The following DIAPH2 variants were observed in gnomAD, a reference collection of about 807,000 sequenced individuals.
DIAPH2 encodes diaphanous related formin 2.
Under a neutral mutation model 92.7 loss-of-function variants are expected in DIAPH2, and 35 were observed. The observed-to-expected ratio is 0.38, with a 90% CI of 0.29 to 0.50. DIAPH2 has a LOEUF of 0.50. Ranked by LOEUF, DIAPH2 falls within the 20% of genes least tolerant of loss-of-function variation. The pLI, the probability that DIAPH2 is intolerant of heterozygous loss-of-function variation, is 0.94. For synonymous variants in DIAPH2, 301 were observed against 280.4 expected (o/e 1.07, Z -0.73); for missense variants, 701 against 819.5 (o/e 0.86, Z 1.77).
At chrX:97,547,997 G>T (rs1682251497) in intron 26 of DIAPH2, among the ~76,000 whole-genome samples, 2 of 111,962 alleles carry the variant, frequency 1.8e-5, no homozygotes, top group South Asian at 7.5e-4. Flanking sequence ...GGACTAAGTT[G>T]TAATGAGTTC....
intron 22 of DIAPH2, among the ~76,000 whole-genome samples, chrX:97,166,381 T>G (rs1404626938): frequency 8.9e-6 from 1 of 112,003 alleles, no homozygotes; most frequent in African/African-American, 3.2e-5. Flanking sequence ...TTGATACCAT[T>G]CTGATGCATT....
chrX:97,519,166 C>T (rs1249489255), intron 26 of DIAPH2, among the ~76,000 whole-genome samples: 2 of 111,753 alleles, frequency 1.8e-5, no homozygotes, highest in Non-Finnish European at 3.8e-5. Context: ...GACCAGGTTG[C>T]TTCGTTTTTG....
Position 96,916,503 on chromosome X carries a change from C to A in DIAPH2, c.798C>A (p.Pro266=), listed in dbSNP as rs1292387147. 8.3e-7 allele frequency: 1 copy of A among 1,203,534 alleles called. No homozygotes were observed. Among genetic ancestry groups the A allele is most frequent in the Non-Finnish European group, 1.1e-6 (1 of 891,899 alleles). ...TACTATTGGCAAGAGCAATTGACCC[C>A]AAACAACCCAACATGATGACTGAAA... ...SLLLLARAID[P]KQPNMMTEIV... Residue 266 remains proline, a synonymous_variant, in exon 8 of 27, where the codon CCC becomes CCA. Transcript: ENST00000324765.
chrX:97,501,360 T>C (rs2070796769), intron 26 of DIAPH2, among the ~76,000 whole-genome samples: 4 of 111,692 alleles, frequency 3.6e-5, no homozygotes, highest in Admixed American at 2.9e-4. Context: ...AATTTTAGAG[T>C]TTCTAGAGAC....
intron 22 of DIAPH2, among the ~76,000 whole-genome samples, chrX:97,185,416 T>C (rs1193466309): frequency 1.7e-5 from 1 of 57,518 alleles, no homozygotes; most frequent in African/African-American, 8.8e-5. Flanking sequence ...TATATGTATA[T>C]ATATATGTAT....
chrX:97,280,915 A>G (rs987938179), intron 23 of DIAPH2, among the ~76,000 whole-genome samples: 4 of 112,109 alleles, frequency 3.6e-5, no homozygotes, highest in African/African-American at 9.7e-5. Context: ...ATCTTTTTGT[A>G]TAGCTTTTAG....
chrX:96,899,654 A>G (rs1022800746), intron 5 of DIAPH2, among the ~76,000 whole-genome samples: 1 of 111,411 alleles, frequency 9.0e-6, no homozygotes, highest in Non-Finnish European at 1.9e-5. Context: ...TTCTAGATGT[A>G]CAATCATGTC....
intron 19 of DIAPH2, among the ~76,000 whole-genome samples, chrX:97,085,066 C>T (rs1217906282): frequency 9.0e-6 from 1 of 111,096 alleles, no homozygotes; most frequent in Non-Finnish European, 1.9e-5. Flanking sequence ...GGCAAGTGAT[C>T]TGAAAATGTT....
chrX:97,086,615 A>T (rs2066784833), intron 19 of DIAPH2, among the ~76,000 whole-genome samples: 1 of 111,960 alleles, frequency 8.9e-6, no homozygotes, highest in African/African-American at 3.3e-5. Flanking sequence ...CAGTGTATAC[A>T]TATATCAAAA....
intron 25 of DIAPH2, among the ~76,000 whole-genome samples, chrX:97,400,139 A>G (rs1021013938): frequency 7.1e-5 from 8 of 112,370 alleles, no homozygotes; most frequent in African/African-American, 2.6e-4. Context: ...CTTCACCTCA[A>G]TATCTTCAAA....
At chrX:97,313,157 C>T (rs2068811531) in intron 23 of DIAPH2, among the ~76,000 whole-genome samples, 1 of 110,679 alleles carries the variant, frequency 9.0e-6, no homozygotes, top group African/African-American at 3.3e-5. Flanking sequence ...TGCACTCCAG[C>T]CTGGGAGACA....
At chrX:97,352,994 G>A (rs1255034104) in intron 24 of DIAPH2, among the ~76,000 whole-genome samples, 4 of 109,235 alleles carry the variant, frequency 3.7e-5, no homozygotes, top group Non-Finnish European at 7.7e-5. Flanking sequence ...AGACTCAGGA[G>A]GGTTTTGTGG....
At chrX:97,077,583 A>G (rs1315088175) in intron 19 of DIAPH2, among the ~76,000 whole-genome samples, 2 of 112,165 alleles carry the variant, frequency 1.8e-5, no homozygotes, top group Non-Finnish European at 3.8e-5. Context: ...TTGAATTAAC[A>G]GTAGTAGTAT....
rs758110409 is a variant in DIAPH2 at position 97,552,565 on chromosome X, C to CT, written c.3242-46674dup. Among the ~76,000 whole-genome samples, 215 of 95,374 alleles carry CT rather than the reference C, an allele frequency of 2.3e-3. 1 individual carries two copies. Among genetic ancestry groups the CT allele is most frequent in the African/African-American group, 4.1e-3 (109 of 26,587 alleles). 82.8% of individuals were successfully genotyped at this position (95,374 alleles called of 115,157 possible). On this transcript the variant is annotated intron_variant, in intron 26 of 26. Transcript: ENST00000324765. ...TTTGTTTTTGAATATACACATTTTT[C>CT]TTTTTTTTTTTTTTCCTTTTTTTAC...
chrX:97,411,939 C>T lies in DIAPH2; in HGVS notation c.3146-17711C>T, dbSNP rs1432508022. ...AGACCTAAGAAGAGACTTAGACTCC[C>T]ACACAATAATAATGGGAGACTTTAA... On this transcript the variant is annotated intron_variant, in intron 25 of 26. Transcript: ENST00000324765. 2.7e-5 allele frequency among the ~76,000 whole-genome samples: 3 copies of T among 111,390 alleles called. No homozygotes were observed. In the East Asian group the frequency reaches 8.4e-4, roughly 31 times the overall value.
At chrX:96,920,684 G>A (rs1337558449) in intron 9 of DIAPH2, among the ~76,000 whole-genome samples, 1 of 111,957 alleles carries the variant, frequency 8.9e-6, no homozygotes, top group African/African-American at 3.2e-5. Flanking sequence ...CAATGAGATG[G>A]GAAAGACATT....
At chrX:97,388,850 A>G (rs1463533561) in intron 25 of DIAPH2, among the ~76,000 whole-genome samples, 2 of 111,622 alleles carry the variant, frequency 1.8e-5, no homozygotes, top group African/African-American at 3.3e-5. Context: ...AAAACTACCT[A>G]TATTTTCCAA....
intron 22 of DIAPH2, among the ~76,000 whole-genome samples, chrX:97,165,267 G>A (rs2067403254): frequency 9.0e-6 from 1 of 111,650 alleles, no homozygotes; most frequent in Non-Finnish European, 1.9e-5. Flanking sequence ...CTTCTCTGAA[G>A]AGTGGCCATT....
intron 20 of DIAPH2, among the ~76,000 whole-genome samples, chrX:97,110,986 A>AC (rs2147374735): frequency 1.8e-5 from 2 of 108,111 alleles, no homozygotes; most frequent in African/African-American, 7.0e-5. Context: ...CCGTCTCAAA[A>AC]AAAACAAACA....
Sources: gnomAD v4.1 joint callset for allele counts (sites outside exome capture counted in the v4.1 genomes callset) on GRCh38, gnomAD v4.1.1 for gene constraint, MANE v1.5 for transcripts, NCBI Gene and HGNC (gene_info 2026-07-23, HGNC 2026-07-21) for gene names.